The following MALRD1 variants were observed in gnomAD, a reference collection of about 807,000 sequenced individuals.
MALRD1 encodes MAM and LDL receptor class A domain containing 1, also known as MAM and LDL-receptor class A domain-containing protein 1.
MALRD1 carries 247 observed loss-of-function variants against 242.1 expected under a neutral mutation model. That is an observed-to-expected ratio of 1.02 (90% confidence interval 0.92 to 1.13). MALRD1 has a LOEUF of 1.13. Ranked by LOEUF, MALRD1 falls within the 50% of genes most tolerant of loss-of-function variation. MALRD1 has a pLI of 0.00. For synonymous variants in MALRD1, 995 were observed against 866.6 expected, an observed-to-expected ratio of 1.15 and a Z score of -2.60; for missense variants, 2,989 against 2,533.1, an observed-to-expected ratio of 1.18 and a Z score of -3.86.
intron 8 of MALRD1, among the ~76,000 whole-genome samples, chr10:19,130,492 G>T (rs1833058979): frequency 6.6e-6 from 1 of 152,106 alleles, no homozygotes; most frequent in Admixed American, 6.6e-5. Context: ...CTTTTCAGAT[G>T]ACAGATAATT....
chr10:19,204,171 A>T (rs914461760), intron 15 of MALRD1, 137 bp from the exon 16 acceptor site: 2 of 674,888 alleles, frequency 3.0e-6, no homozygotes, highest in African/African-American at 3.6e-5. Context: ...TTTGACTAAG[A>T]GTCACTGATT....
At position 19,211,785 on chromosome 10, in the gene MALRD1, A is replaced by G. The variant is rs915812839; in HGVS notation, c.2991+2105A>G. Among the ~76,000 whole-genome samples, 8 of 150,906 alleles carry G rather than the reference A, an allele frequency of 5.3e-5. No homozygotes were observed. The South Asian group carries it at 1.7e-3, about 32-fold the overall frequency. On this transcript the variant is annotated intron_variant, in intron 18 of 39. Transcript: ENST00000454679. Reference sequence around the variant, plus strand: ...TTTTTCTCCATTAAATGATGGATGGACATAGTTTCTGTTCTACTGAGAAAC... The same window carrying G: ...TTTTTCTCCATTAAATGATGGATGGGCATAGTTTCTGTTCTACTGAGAAAC...
At chr10:19,643,666 T>G (rs1840509835) in intron 36 of MALRD1, among the ~76,000 whole-genome samples, 1 of 152,282 alleles carries the variant, frequency 6.6e-6, no homozygotes, top group Middle Eastern at 3.4e-3. Context: ...GACACCAGTA[T>G]GTTTTAAGTA....
chr10:19,068,944 T>G lies in MALRD1; in HGVS notation c.340+2085T>G, dbSNP rs181589370. On this transcript the variant is annotated intron_variant, in intron 2 of 39. Transcript: ENST00000454679. ...AAGCTCAGGGAAAGAAGGATTAAAA[T>G]GTAGTACTGATTTTTAAAAGAATGT... is the stretch of plus-strand genomic sequence containing the variant. Among the ~76,000 whole-genome samples the G allele has an allele frequency of 3.5e-3, 536 of 152,238 alleles. 2 individuals carry two copies. Among genetic ancestry groups the G allele is most frequent in the Non-Finnish European group, 4.2e-3 (286 of 67,970 alleles).
At chr10:19,572,658 T>G (rs1035668384) in intron 33 of MALRD1, among the ~76,000 whole-genome samples, 6 of 152,154 alleles carry the variant, frequency 3.9e-5, no homozygotes, top group African/African-American at 1.4e-4. Context: ...AAATAGGGCC[T>G]TTGTAGATGT....
chr10:19,450,894 A>G (rs2131040872), intron 29 of MALRD1, among the ~76,000 whole-genome samples: 1 of 152,188 alleles, frequency 6.6e-6, no homozygotes, highest in South Asian at 2.1e-4. Flanking sequence ...CCTTGGGCCT[A>G]TTTTATAAGG....
chr10:19,293,587 A>G (rs796557717), intron 21 of MALRD1, among the ~76,000 whole-genome samples: 23 of 152,304 alleles, frequency 1.5e-4, no homozygotes, highest in African/African-American at 5.3e-4. Flanking sequence ...AAAGAACGAG[A>G]TCATGTCTTT....
chr10:19,552,414 A>G (rs1401563075), intron 32 of MALRD1, among the ~76,000 whole-genome samples: 1 of 152,054 alleles, frequency 6.6e-6, no homozygotes, highest in East Asian at 1.9e-4. Context: ...AGTCAGTGGT[A>G]ATATTACCCT....
chr10:19,581,554 A>AT (rs1258876095), intron 33 of MALRD1, among the ~76,000 whole-genome samples: 2 of 149,846 alleles, frequency 1.3e-5, no homozygotes, highest in Non-Finnish European at 3.0e-5. Context: ...TGAACTCATC[A>AT]TTTTTTATGG....
At chr10:19,414,739 C>T (rs897848073) in intron 28 of MALRD1, among the ~76,000 whole-genome samples, 1 of 152,080 alleles carries the variant, frequency 6.6e-6, no homozygotes, top group Non-Finnish European at 1.5e-5. Flanking sequence ...TAGTCGGCAT[C>T]GTCTGAGGCA....
chr10:19,687,674 T>C (rs1230000856), intron 36 of MALRD1, among the ~76,000 whole-genome samples: 3 of 152,216 alleles, frequency 2.0e-5, no homozygotes, highest in Non-Finnish European at 4.4e-5. Flanking sequence ...TTTTCTCGTT[T>C]TTCATTTGTT....
intron 24 of MALRD1, among the ~76,000 whole-genome samples, chr10:19,343,715 T>C (rs1195732700): frequency 1.3e-5 from 2 of 152,160 alleles, no homozygotes; most frequent in Non-Finnish European, 2.9e-5. Flanking sequence ...TCATGTTTCA[T>C]GCTATTGAGG....
intron 29 of MALRD1, among the ~76,000 whole-genome samples, chr10:19,483,812 AG>A (rs1362169839): frequency 6.6e-6 from 1 of 152,164 alleles, no homozygotes; most frequent in African/African-American, 2.4e-5. Flanking sequence ...ACTAAAAAAA[AG>A]ATGCATGAAT....
At chr10:19,174,794 T>C (rs1248905070) in intron 13 of MALRD1, among the ~76,000 whole-genome samples, 1 of 152,074 alleles carries the variant, frequency 6.6e-6, no homozygotes, top group Non-Finnish European at 1.5e-5. Flanking sequence ...ATGTATATAA[T>C]ATTTAAATAT....
At chr10:19,589,597 T>TA (rs1395848822) in intron 33 of MALRD1, among the ~76,000 whole-genome samples, 1 of 152,196 alleles carries the variant, frequency 6.6e-6, no homozygotes, top group East Asian at 1.9e-4. Flanking sequence ...ATAATACCCC[T>TA]AATCAGATGT....
At chr10:19,569,671 ATAT>A (rs1168639501) in intron 33 of MALRD1, among the ~76,000 whole-genome samples, 1 of 147,002 alleles carries the variant, frequency 6.8e-6, no homozygotes. Flanking sequence ...GTATTATTAT[ATAT>A]TATATTATTA....
At chr10:19,589,668 A>G (rs753518639) in intron 33 of MALRD1, among the ~76,000 whole-genome samples, 1 of 152,160 alleles carries the variant, frequency 6.6e-6, no homozygotes, top group Non-Finnish European at 1.5e-5. Flanking sequence ...ATAATGAGTC[A>G]TCTTGTCAAA....
chr10:19,661,284 G>T (rs1229240549), intron 36 of MALRD1, among the ~76,000 whole-genome samples: 1 of 152,028 alleles, frequency 6.6e-6, no homozygotes, highest in Non-Finnish European at 1.5e-5. Flanking sequence ...CCCATTACTG[G>T]GTATATACCC....
At chr10:19,280,670 C>T (rs898211888) in intron 20 of MALRD1, among the ~76,000 whole-genome samples, 1 of 152,154 alleles carries the variant, frequency 6.6e-6, no homozygotes, top group Non-Finnish European at 1.5e-5. Flanking sequence ...ATGAGAAAAC[C>T]TATCTTAATG....
Sources: allele counts gnomAD v4.1 joint callset (sites outside exome capture counted in the v4.1 genomes callset), GRCh38; gene constraint gnomAD v4.1.1; transcripts MANE v1.5; gene names NCBI Gene and HGNC (gene_info 2026-07-23, HGNC 2026-07-21).